Variants in ASPM observed in about 807,000 individuals in gnomAD.
ASPM encodes abnormal spindle-like microcephaly-associated protein.
ASPM carries 256 observed loss-of-function variants against 366.4 expected under a neutral mutation model. The ratio of observed to expected loss-of-function variants is 0.70; its 90% CI spans 0.63 to 0.77. ASPM has a LOEUF of 0.77. Ranked by LOEUF, ASPM falls within the 30% of genes least tolerant of loss-of-function variation. The pLI is 0.00. For missense variants in ASPM, 4,146 were observed against 4,090.4 expected, an observed-to-expected ratio of 1.01 and a Z score of -0.37; for synonymous variants, 1,414 against 1,342.9, an observed-to-expected ratio of 1.05 and a Z score of -1.16.
At chr1:197,135,325 A>T in intron 4 of ASPM, 83 bp from the exon 5 acceptor site, 2 of 1,300,020 alleles carry the variant, frequency 1.5e-6, no homozygotes, top group Non-Finnish European at 2.2e-6. Context: ...TTTTACTAGC[A>T]ATACCATCTT....
At chr1:197,125,854 T>C (rs766496320) in intron 10 of ASPM, among the ~76,000 whole-genome samples, 5 of 152,096 alleles carry the variant, frequency 3.3e-5, no homozygotes, top group Admixed American at 6.5e-5. Flanking sequence ...GCTGGTAGAA[T>C]TACTTATACA....
At chr1:197,114,475 T>C (rs1657684854) in intron 17 of ASPM, among the ~76,000 whole-genome samples, 1 of 152,370 alleles carries the variant, frequency 6.6e-6, no homozygotes, top group South Asian at 2.1e-4. Flanking sequence ...ATTAGCGTTT[T>C]ACCCAAAGTA....
At chr1:197,137,968 T>C (rs1033545011) in intron 4 of ASPM, among the ~76,000 whole-genome samples, 1 of 149,958 alleles carries the variant, frequency 6.7e-6, no homozygotes, top group Non-Finnish European at 1.5e-5. Context: ...CAATCTTTTA[T>C]CATAATAAAA....
intron 17 of ASPM, among the ~76,000 whole-genome samples, chr1:197,113,865 G>A (rs1206346968): frequency 6.6e-6 from 1 of 151,934 alleles, no homozygotes; most frequent in Non-Finnish European, 1.5e-5. Context: ...CATTAATGAA[G>A]AAAAATCAAA....
chr1:197,123,986 G>A, intron 13 of ASPM, 124 bp downstream of exon 13: 2 of 777,286 alleles, frequency 2.6e-6, no homozygotes, highest in Non-Finnish European at 4.2e-6. Context: ...CTCATTTGAG[G>A]GAAAGTTTGC....
At position 197,090,871 on chromosome 1, in the gene ASPM, A is replaced by C; in HGVS notation, c.9615T>G (p.Thr3205=). Residue 3205 remains threonine (T), a synonymous_variant, in exon 23 of 28, where the codon ACT becomes ACG. Transcript: ENST00000367409. Reference sequence around the variant, plus strand: ...TTACCTGAATTTTAATGATTCCACTAGTGAATTTTTCCTGCTTTTTACGGA... The same window carrying C: ...TTACCTGAATTTTAATGATTCCACTCGTGAATTTTTCCTGCTTTTTACGGA... ...FLLRKKQEKF[T]SGIIKIQALW... is the part of the protein sequence containing the mutation. The C allele has an allele frequency of 6.2e-7, 1 of 1,613,040 alleles. No individual in the cohort carries two copies. The highest frequency in any genetic ancestry group is 8.5e-7 in the Non-Finnish European group (1 of 1,179,376).
chr1:197,146,413 C>A lies in ASPM; in HGVS notation c.25G>T (p.Gly9Cys). 1 of 1,608,876 alleles carries A rather than the reference C, an allele frequency of 6.2e-7. No homozygotes were observed. ...TCGGTCGGGCTCACTTCCCAGCAGC[C>A]TCGCCCCACTCGCCGGTTCGCCATG... The part of the protein sequence containing the change: MANRRVGR[G>C]CWEVSPTERR... The change falls in exon 1 of 28, where the codon GGC becomes TGC. Residue 9 changes from glycine to cysteine, a missense_variant. Transcript: ENST00000367409.
rs1658625141 is a variant in ASPM, at chr1:197,142,615, G to A, written c.1637C>T (p.Pro546Leu). 1.2e-6 allele frequency: 2 copies of A among 1,612,084 alleles called. No individual in the cohort carries two copies. The highest frequency in any genetic ancestry group is 2.7e-5 in the African/African-American group (2 of 74,810). Residue 546 changes from proline (P) to leucine (L), a missense_variant, in exon 3 of 28, where the codon CCA becomes CTA. Around this residue, in one of 3 missense-constraint regions of ASPM, gnomAD observed 3,624 missense variants for 3,591.7 expected, o/e 1.01. Coordinates refer to ENST00000367409, the MANE Select transcript of ASPM (RefSeq NM_018136.5). ...KEKEDFHSYL[P>L]IIDPILSKSK... ...TTTACTTAATATTGGATCTATAATT[G>A]GAAGATAAGAATGAAAATCTTCTTT...
intron 17 of ASPM, among the ~76,000 whole-genome samples, chr1:197,113,849 C>T (rs967115482): frequency 4.6e-5 from 7 of 152,042 alleles, no homozygotes; most frequent in African/African-American, 1.7e-4. Flanking sequence ...AAAAGTTGTT[C>T]AACATCATTA....
In ASPM at chr1:197,143,898, A is replaced by C. The variant is rs1658684634; in HGVS notation, c.441+59T>G. On this transcript the variant is annotated intron_variant, in intron 2 of 27. Transcript: ENST00000367409. ...TTACTTCAAGCCTGTTATCAAAATAAGTTTTATTTATTATTAAACAATTTC... is the reference window on the plus strand; with the variant it reads ...TTACTTCAAGCCTGTTATCAAAATACGTTTTATTTATTATTAAACAATTTC... The C allele has an allele frequency of 5.8e-6, 9 of 1,546,968 alleles. No homozygotes were observed. In the South Asian group the frequency reaches 1.0e-4, roughly 18 times the overall value.
At chr1:197,135,457 C>G (rs1658390054) in intron 4 of ASPM, among the ~76,000 whole-genome samples, 1 of 151,946 alleles carries the variant, frequency 6.6e-6, no homozygotes, top group African/African-American at 2.4e-5. Context: ...GGTTATTTAA[C>G]ACTAAACCAC....
chr1:197,125,703 A>G (rs1199229847), intron 10 of ASPM, among the ~76,000 whole-genome samples: 1 of 152,112 alleles, frequency 6.6e-6, no homozygotes, highest in Admixed American at 6.5e-5. Flanking sequence ...GATGAGAACT[A>G]AAATCCAGTT....
At chr1:197,099,225 A>ATTTTT (rs751965402) in intron 18 of ASPM, among the ~76,000 whole-genome samples, 1 of 140,504 alleles carries the variant, frequency 7.1e-6, no homozygotes. Context: ...TGCCAGAGTA[A>ATTTTT]TTTTTTTTTT....
intron 4 of ASPM, 71 bp downstream of exon 4, chr1:197,139,696 C>T: frequency 8.5e-7 from 1 of 1,178,998 alleles, no homozygotes; most frequent in Non-Finnish European, 1.3e-6. Context: ...CAATTCATTT[C>T]CATGTGAAAT....
chr1:197,130,597 A>T (rs1470937440), intron 7 of ASPM, among the ~76,000 whole-genome samples: 1 of 152,194 alleles, frequency 6.6e-6, no homozygotes, highest in African/African-American at 2.4e-5. Context: ...AAAATATCAA[A>T]TTCTGCAACC....
chr1:197,101,849 A>G lies in ASPM; in HGVS notation c.7402T>C (p.Tyr2468His), dbSNP rs1020431666. The change falls in exon 18 of 28, where the codon TAC becomes CAC. Residue 2468 changes from tyrosine (Y) to histidine (H), a missense_variant. Physicochemically the swap from Tyr to His is moderately conservative, Grantham distance 83 (BLOSUM62 2). Transcript: ENST00000367409. ...TTCTTCTTTACCATCAGTCTTCTGT[A>G]AGATGACTGTATTGTAATGGCTGCC... ...RKAAITIQSS[Y>H]RRLMVKKKLQ... 6.2e-7 allele frequency: 1 copy of G among 1,612,730 alleles called. No homozygotes were observed. The highest frequency in any genetic ancestry group is 1.7e-5 in the Admixed American group (1 of 59,794).
intron 3 of ASPM, among the ~76,000 whole-genome samples, chr1:197,141,693 A>G (rs1433144351): frequency 2.0e-5 from 3 of 152,122 alleles, no homozygotes; most frequent in African/African-American, 7.2e-5. Context: ...TAATTTCCTA[A>G]GCATAGCATA....
Position 197,102,222 on chromosome 1 carries a change from A to G in ASPM, c.7029T>C (p.Ser2343=). 3.7e-6 allele frequency: 6 copies of G among 1,612,772 alleles called. No homozygotes were observed. Among genetic ancestry groups the G allele is most frequent in the Non-Finnish European group, 5.1e-6 (6 of 1,179,262 alleles). Residue 2343 remains serine, a synonymous_variant, in exon 18 of 28, where the codon TCT becomes TCC. Transcript: ENST00000367409. ...EMHRAATFIQ[S]TFRMHRLHMR... Reference sequence around the variant, plus strand: ...TATGTAATCTGTGCATTCTGAAAGTAGACTGGATGAAAGTAGCAGCCCTGT... The same window carrying G: ...TATGTAATCTGTGCATTCTGAAAGTGGACTGGATGAAAGTAGCAGCCCTGT...
At chr1:197,111,686 T>C (rs769166408) in intron 17 of ASPM, among the ~76,000 whole-genome samples, 34 of 151,974 alleles carry the variant, frequency 2.2e-4, no homozygotes, top group Non-Finnish European at 3.8e-4. Context: ...AAGACGTCCA[T>C]CAACAGTGGA....
Sources: allele counts gnomAD v4.1 joint callset (sites outside exome capture counted in the v4.1 genomes callset), GRCh38; gene constraint gnomAD v4.1.1; regional missense constraint gnomAD v4.1.1; transcripts MANE v1.5; gene names NCBI Gene and HGNC (gene_info 2026-07-23, HGNC 2026-07-21).